The following BTG4 variants were observed in gnomAD, a reference collection of about 807,000 sequenced individuals.
BTG4 encodes the protein protein BTG4.
BTG4 carries 10 observed loss-of-function variants against 19.3 expected under a neutral mutation model. That is an observed-to-expected ratio of 0.52 (90% CI 0.32 to 0.88). BTG4 has a LOEUF of 0.88. Ranked by LOEUF, BTG4 falls within the 40% of genes least tolerant of loss-of-function variation. The pLI, the probability that BTG4 is intolerant of heterozygous loss-of-function variation, is 0.04. For missense variants in BTG4, 238 were observed against 281.9 expected (o/e 0.84, Z 1.11); for synonymous variants, 91 against 95.7 (o/e 0.95, Z 0.29).
At chr11:111,496,924 T>C (rs942092252) in intron 4 of BTG4, 2 of 374,596 alleles carry the variant, frequency 5.3e-6, no homozygotes, top group African/African-American at 4.2e-5. Context: ...TAATCTTTGA[T>C]TCTGTAGGAA....
At chr11:111,429,839 A>G in the BTG4 span, among the ~76,000 whole-genome samples, 1 of 152,208 alleles carries the variant, frequency 6.6e-6, no homozygotes, top group Non-Finnish European at 1.5e-5. Flanking sequence ...CTGCTTTCTC[A>G]TATCTTCCAA....
chr11:111,432,210 T>C, the BTG4 span, among the ~76,000 whole-genome samples: 2 of 152,182 alleles, frequency 1.3e-5, no homozygotes, highest in Non-Finnish European at 2.9e-5. Flanking sequence ...AGAATGCTGA[T>C]AGGCAGGGTA....
At chr11:111,489,436 A>G (rs1045423179) in intron 5 of BTG4, among the ~76,000 whole-genome samples, 1 of 152,200 alleles carries the variant, frequency 6.6e-6, no homozygotes, top group African/African-American at 2.4e-5. Context: ...CGCTAGATAC[A>G]TATCCAAAAG....
the BTG4 span, among the ~76,000 whole-genome samples, chr11:111,444,302 G>A: frequency 6.6e-6 from 1 of 150,598 alleles, no homozygotes; most frequent in Non-Finnish European, 1.5e-5. Flanking sequence ...GGAAGGCAGG[G>A]GAGGGGAGGG....
At chr11:111,500,747 TTG>T (rs1169525005) in intron 1 of BTG4, among the ~76,000 whole-genome samples, 3 of 152,060 alleles carry the variant, frequency 2.0e-5, no homozygotes, top group Non-Finnish European at 4.4e-5. Flanking sequence ...CATGGGACTG[TTG>T]CTTCCCTCCC....
chr11:111,396,491 C>T, the BTG4 span, among the ~76,000 whole-genome samples: 1 of 152,216 alleles, frequency 6.6e-6, no homozygotes, highest in African/African-American at 2.4e-5. Flanking sequence ...CATTCACTAC[C>T]CCCTTGTTTT....
At position 111,509,962 on chromosome 11, in the gene BTG4, A is replaced by G. The variant is rs1250309531; in HGVS notation, c.-27+2219T>C. 2.4e-5 allele frequency among the ~76,000 whole-genome samples: 3 copies of G among 126,674 alleles called. No individual in the cohort carries two copies. In the East Asian group the frequency reaches 7.0e-4, roughly 30 times the overall value. 83.1% of individuals were successfully genotyped at this position (126,674 alleles called of 152,430 possible). On this transcript the variant is annotated intron_variant, in intron 1 of 4. Transcript: ENST00000692032. ...AGTCTTGCTCTGTCACCCAGGCTGG[A>G]GTGCAGTGGCACGATCTCGGCTCAC...
At chr11:111,436,483 G>A in the BTG4 span, among the ~76,000 whole-genome samples, 1 of 152,104 alleles carries the variant, frequency 6.6e-6, no homozygotes, top group African/African-American at 2.4e-5. Flanking sequence ...AAAATTAGCT[G>A]GGCGTGGTAG....
rs146008530 is a variant in BTG4 at position 111,470,801 on chromosome 11, T to C, written c.663-3120A>G. ...AGCCGGGCATGGTGGCACATACCTG[T>C]AGTCCCAGCTATTCAGGAGGCTGAG... is the stretch of plus-strand genomic sequence containing the variant. On this transcript the variant is annotated intron_variant, in intron 5 of 5. Transcript: ENST00000356018. 1.9e-3 allele frequency among the ~76,000 whole-genome samples: 282 copies of C among 152,200 alleles called. 6 individuals are homozygous for C. In the South Asian group the frequency reaches 0.02, roughly 11 times the overall value.
At chr11:111,406,858 G>A in the BTG4 span, among the ~76,000 whole-genome samples, 2 of 152,168 alleles carry the variant, frequency 1.3e-5, no homozygotes, top group African/African-American at 4.8e-5. Context: ...AAAACTCACA[G>A]CCCAGGGGTG....
At chr11:111,404,619 A>G in the BTG4 span, 2 of 456,240 alleles carry the variant, frequency 4.4e-6, no homozygotes, top group African/African-American at 2.0e-5. Flanking sequence ...TGACTTACCT[A>G]CCATCTCTGA....
intron 1 of BTG4, among the ~76,000 whole-genome samples, chr11:111,508,926 T>A (rs145051810): frequency 1.1e-3 from 160 of 152,072 alleles, no homozygotes; most frequent in African/African-American, 3.5e-3. Flanking sequence ...GAGATTGTTC[T>A]CTAAAGATGG....
At chr11:111,399,379 G>T in the BTG4 span, 1 of 152,228 alleles carries the variant, frequency 6.6e-6, no homozygotes, top group East Asian at 1.9e-4. Flanking sequence ...ACACTGGAAA[G>T]CATCCCCATA....
chr11:111,427,150 G>A, the BTG4 span, among the ~76,000 whole-genome samples: 1 of 152,166 alleles, frequency 6.6e-6, no homozygotes, highest in Non-Finnish European at 1.5e-5. Context: ...ATATACCCCA[G>A]CAAAGTGGAG....
At chr11:111,429,299 C>T in the BTG4 span, among the ~76,000 whole-genome samples, 1 of 152,216 alleles carries the variant, frequency 6.6e-6, no homozygotes, top group East Asian at 1.9e-4. Context: ...TATTGCAGGG[C>T]AGGTCCCAAA....
the BTG4 span, among the ~76,000 whole-genome samples, chr11:111,436,410 G>A: frequency 0.016 from 2,512 of 152,276 alleles, 71 homozygotes; most frequent in African/African-American, 0.058. Flanking sequence ...TGGATCACCT[G>A]AGGTCAGGAG....
At chr11:111,479,316 A>G (rs1386543234) in intron 5 of BTG4, among the ~76,000 whole-genome samples, 1 of 152,128 alleles carries the variant, frequency 6.6e-6, no homozygotes, top group African/African-American at 2.4e-5. Context: ...AGATGAATCA[A>G]AGCTAAGAAT....
chr11:111,468,277 G>A (rs999363906), intron 5 of BTG4, among the ~76,000 whole-genome samples: 2 of 152,350 alleles, frequency 1.3e-5, no homozygotes, highest in Non-Finnish European at 2.9e-5. Flanking sequence ...CCATTTTATG[G>A]ATGGGTAAAC....
chr11:111,485,476 T>C (rs1865003601), intron 5 of BTG4, among the ~76,000 whole-genome samples: 1 of 152,054 alleles, frequency 6.6e-6, no homozygotes, highest in African/African-American at 2.4e-5. Flanking sequence ...TACAAACACA[T>C]GGAAATTTTA....
Sources: gnomAD v4.1 joint callset for allele counts (sites outside exome capture counted in the v4.1 genomes callset) on GRCh38, gnomAD v4.1.1 for gene constraint, MANE v1.5 for transcripts, NCBI Gene and HGNC (gene_info 2026-07-23, HGNC 2026-07-21) for gene names.